Variants in NALF1 observed in about 807,000 individuals in gnomAD.
The protein encoded by NALF1 is family with sequence similarity 155 member A.
NALF1 carries 3 observed loss-of-function variants against 48.4 expected under a neutral mutation model. The observed-to-expected ratio is 0.06, with a 90% CI of 0.03 to 0.16. The LOEUF is 0.16. NALF1 is among the 10% of genes least tolerant of loss of function. The pLI, the probability that NALF1 is intolerant of heterozygous loss-of-function variation, is 1.00. For missense variants in NALF1, 526 were observed against 571.5 expected (o/e 0.92, Z 0.81); for synonymous variants, 262 against 245.7 (o/e 1.07, Z -0.62).
intron 1 of NALF1, among the ~76,000 whole-genome samples, chr13:107,340,225 C>A (rs991606588): frequency 6.0e-5 from 9 of 149,820 alleles, no homozygotes; most frequent in African/African-American, 2.2e-4. Context: ...ACTGCAACCT[C>A]TGCCTCCCGG....
At chr13:107,254,892 A>G (rs1422507903) in intron 1 of NALF1, among the ~76,000 whole-genome samples, 1 of 152,326 alleles carries the variant, frequency 6.6e-6, no homozygotes, top group East Asian at 1.9e-4. Flanking sequence ...CTCAAGGAAA[A>G]CACACAGTAG....
intron 1 of NALF1, among the ~76,000 whole-genome samples, chr13:107,365,104 TCTC>T (rs2138958943): frequency 6.7e-6 from 1 of 148,210 alleles, no homozygotes; most frequent in Non-Finnish European, 1.5e-5. Context: ...TCTACCTCCT[TCTC>T]CTCCTTCTTC....
intron 2 of NALF1, among the ~76,000 whole-genome samples, chr13:107,203,551 A>G (rs1879567157): frequency 6.6e-6 from 1 of 152,184 alleles, no homozygotes. Context: ...AAGGTCAGCG[A>G]GTGACATCTT....
At chr13:107,234,714 A>AC (rs1272525506) in intron 1 of NALF1, among the ~76,000 whole-genome samples, 1 of 151,548 alleles carries the variant, frequency 6.6e-6, no homozygotes, top group African/African-American at 2.4e-5. Context: ...AGAAAAAAAA[A>AC]CCAAAACAAA....
intron 1 of NALF1, among the ~76,000 whole-genome samples, chr13:107,213,759 A>G (rs1879816461): frequency 6.6e-6 from 1 of 152,232 alleles, no homozygotes. Context: ...TTCTTCTAGA[A>G]TCTTGAAAAT....
Position 107,647,206 on chromosome 13 carries a change from G to A in NALF1, c.915+218476C>T, listed in dbSNP as rs538774305. 1.5e-3 allele frequency among the ~76,000 whole-genome samples: 234 copies of A among 152,014 alleles called. 2 individuals are homozygous for A. Among genetic ancestry groups the A allele is most frequent in the Non-Finnish European group, 1.8e-3 (119 of 67,922 alleles). ...TTGGTAAAGAAAACAAAACGAAAAT[G>A]GAATTAAATGCAAAGGAAGCATAAG... On this transcript the variant is annotated intron_variant, in intron 1 of 2. Coordinates refer to ENST00000375915, the MANE Select transcript of NALF1 (RefSeq NM_001080396.3).
At chr13:107,788,276 T>C (rs1878131231) in intron 1 of NALF1, 1 of 152,232 alleles carries the variant, frequency 6.6e-6, no homozygotes, top group Non-Finnish European at 1.5e-5. Context: ...CCCTCACTGA[T>C]CTGTTGTCCA....
Position 107,196,531 on chromosome 13 carries a change from C to T in NALF1, c.1087+14053G>A, listed in dbSNP as rs147091704. Among the ~76,000 whole-genome samples, 1,027 of 152,184 alleles carry T rather than the reference C, an allele frequency of 6.7e-3. 44 individuals carry two copies. Among genetic ancestry groups the T allele is most frequent in the Admixed American group, 0.062 (945 of 15,280 alleles). Reference sequence around the variant, plus strand: ...AGCCTTAAAAAAGGTAGAGATCCTGCCACTTGCCACAATGTGGATGAACCT... The same window carrying T: ...AGCCTTAAAAAAGGTAGAGATCCTGTCACTTGCCACAATGTGGATGAACCT... On this transcript the variant is annotated intron_variant, in intron 2 of 2. Coordinates refer to ENST00000375915, the MANE Select transcript of NALF1 (RefSeq NM_001080396.3).
intron 1 of NALF1, among the ~76,000 whole-genome samples, chr13:107,739,164 T>G (rs555653717): frequency 6.6e-6 from 1 of 151,492 alleles, no homozygotes. Context: ...TGTCAGGCGG[T>G]CAGGGGTAAG....
intron 1 of NALF1, among the ~76,000 whole-genome samples, chr13:107,709,758 A>C (rs1566452382): frequency 6.6e-6 from 1 of 152,196 alleles, no homozygotes; most frequent in Non-Finnish European, 1.5e-5. Context: ...ATATTCAACA[A>C]ACCTTTTCCC....
chr13:107,433,967 T>A (rs1269177305), intron 1 of NALF1, among the ~76,000 whole-genome samples: 2 of 152,136 alleles, frequency 1.3e-5, no homozygotes, highest in Non-Finnish European at 2.9e-5. Context: ...GTCCACTTAT[T>A]GCTATGTTAC....
chr13:107,259,501 C>T (rs868866280), intron 1 of NALF1, among the ~76,000 whole-genome samples: 4 of 152,138 alleles, frequency 2.6e-5, no homozygotes, highest in African/African-American at 9.7e-5. Flanking sequence ...CATTGAGAGG[C>T]ATGAGGACAT....
chr13:107,606,064 G>T (rs1200534637), intron 1 of NALF1, among the ~76,000 whole-genome samples: 2 of 152,102 alleles, frequency 1.3e-5, no homozygotes, highest in African/African-American at 4.8e-5. Context: ...TATATATACA[G>T]TGCAGGCAAA....
At chr13:107,702,209 CATT>C (rs1263412726) in intron 1 of NALF1, among the ~76,000 whole-genome samples, 1 of 151,968 alleles carries the variant, frequency 6.6e-6, no homozygotes, top group African/African-American at 2.4e-5. Context: ...ATTTGAGTGA[CATT>C]AGCGAATTTA....
At chr13:107,420,546 G>A (rs1005408271) in intron 1 of NALF1, among the ~76,000 whole-genome samples, 13 of 152,208 alleles carry the variant, frequency 8.5e-5, no homozygotes, top group African/African-American at 2.9e-4. Flanking sequence ...CAGCTGACAA[G>A]TAACATCATA....
chr13:107,268,798 C>T (rs949375583), intron 1 of NALF1, among the ~76,000 whole-genome samples: 3 of 151,880 alleles, frequency 2.0e-5, no homozygotes, highest in Non-Finnish European at 2.9e-5. Context: ...TTTGGAGGCA[C>T]GAATAAAAGT....
At chr13:107,813,583 A>T (rs1879064034) in intron 1 of NALF1, among the ~76,000 whole-genome samples, 1 of 152,124 alleles carries the variant, frequency 6.6e-6, no homozygotes, top group Non-Finnish European at 1.5e-5. Flanking sequence ...TATATATTTC[A>T]TGCAGGGTAG....
intron 1 of NALF1, among the ~76,000 whole-genome samples, chr13:107,290,685 CTAA>C (rs1367645514): frequency 6.6e-6 from 1 of 152,154 alleles, no homozygotes; most frequent in African/African-American, 2.4e-5. Context: ...TGAAAACAGA[CTAA>C]TGTGTGAAAA....
intron 1 of NALF1, among the ~76,000 whole-genome samples, chr13:107,448,129 C>T (rs901442324): frequency 6.6e-6 from 1 of 152,150 alleles, no homozygotes; most frequent in Non-Finnish European, 1.5e-5. Flanking sequence ...GTCAGGCTTT[C>T]TGCTCTTTCT....
Sources: gnomAD v4.1 joint callset for allele counts (sites outside exome capture counted in the v4.1 genomes callset) on GRCh38, gnomAD v4.1.1 for gene constraint, MANE v1.5 for transcripts, NCBI Gene and HGNC (gene_info 2026-07-23, HGNC 2026-07-21) for gene names.